Variants in ATXN7 observed in about 807,000 individuals in gnomAD.
ATXN7 encodes ataxin-7.
ATXN7 carries 12 observed loss-of-function variants against 70.5 expected under a neutral mutation model. That is an observed-to-expected ratio of 0.17 (90% CI 0.11 to 0.28). ATXN7 has a LOEUF of 0.28. Among genes scored for constraint, ATXN7 ranks in the 10% least tolerant of loss-of-function variants. ATXN7 has a pLI of 1.00. For missense variants in ATXN7, 1,256 were observed against 1,131.7 expected, an observed-to-expected ratio of 1.11 and a Z score of -1.58; for synonymous variants, 498 against 448.7, an observed-to-expected ratio of 1.11 and a Z score of -1.39.
At chr3:63,935,687 G>A (rs1468321197) in intron 4 of ATXN7, among the ~76,000 whole-genome samples, 1 of 151,860 alleles carries the variant, frequency 6.6e-6, no homozygotes, top group African/African-American at 2.4e-5. Context: ...CTTTCGTATG[G>A]TTTTGGACCT....
chr3:63,931,770 G>A (rs1704974345), intron 4 of ATXN7, among the ~76,000 whole-genome samples: 1 of 152,088 alleles, frequency 6.6e-6, no homozygotes, highest in African/African-American at 2.4e-5. Context: ...TACATTAAAT[G>A]CTGCTCTCTT....
chr3:63,992,567 T>C (rs1039161737), intron 11 of ATXN7, among the ~76,000 whole-genome samples: 2 of 152,216 alleles, frequency 1.3e-5, no homozygotes, highest in Non-Finnish European at 2.9e-5. Context: ...ATGTGGCTCA[T>C]GACCAACAGT....
chr3:63,994,051 A>G (rs1484153607), intron 11 of ATXN7, among the ~76,000 whole-genome samples: 1 of 152,174 alleles, frequency 6.6e-6, no homozygotes, highest in Non-Finnish European at 1.5e-5. Flanking sequence ...GCTCCACATT[A>G]GAATCCCCTG....
intron 9 of ATXN7, 31 bp downstream of exon 9, chr3:63,988,355 C>T: frequency 6.2e-7 from 1 of 1,612,590 alleles, no homozygotes; most frequent in Non-Finnish European, 8.5e-7. Flanking sequence ...CTTTCTCCCA[C>T]CTTCAGAGAT....
At chr3:63,905,921 A>G (rs1703823256) in intron 2 of ATXN7, 1 of 152,090 alleles carries the variant, frequency 6.6e-6, no homozygotes, top group African/African-American at 2.4e-5. Flanking sequence ...TAAAATCAGA[A>G]TGGCCATAAG....
intron 5 of ATXN7, among the ~76,000 whole-genome samples, chr3:63,963,803 C>G (rs1321202816): frequency 6.6e-6 from 1 of 152,170 alleles, no homozygotes; most frequent in Non-Finnish European, 1.5e-5. Context: ...GTGAACCAAA[C>G]AGCAGTACCC....
At chr3:63,863,175 T>C (rs73831998), upstream of ATXN7, 4,360 of 152,768 alleles carry the variant, frequency 0.029, 118 homozygotes, top group African/African-American at 0.077. Context: ...CAAGGCCTCA[T>C]TGCCATCGAC....
In ATXN7 at chr3:64,002,003, CAAAAA is replaced by C. The variant is rs77184837; in HGVS notation, c.*2547_*2551del. The C allele has an allele frequency of 1.1e-5, 1 of 95,162 alleles. No homozygotes were observed. Among genetic ancestry groups the C allele is most frequent in the Non-Finnish European group, 2.3e-5 (1 of 43,272 alleles). The allele number at this position is 95,162 out of a possible 1,614,324, so 5.9% of individuals were successfully genotyped here. A position where few individuals can be genotyped will look rare whatever the true frequency, so the allele number is the denominator to read the frequency against. On this transcript the variant is annotated 3_prime_UTR_variant, in exon 13 of 13. Coordinates refer to ENST00000674280, the MANE Select transcript of ATXN7 (RefSeq NM_001377405.1). ...CAACTCCTGCAGTTTTCTTAACCTACAAAAAAAAAAAAAAAGTGCTGCAATGATGA... is the reference window on the plus strand; with the variant it reads ...CAACTCCTGCAGTTTTCTTAACCTACAAAAAAAAAAGTGCTGCAATGATGA...
chr3:63,974,233 A>C (rs970705124), intron 5 of ATXN7, among the ~76,000 whole-genome samples: 1 of 152,200 alleles, frequency 6.6e-6, no homozygotes, highest in African/African-American at 2.4e-5. Flanking sequence ...GGAAAGATGA[A>C]ATCGAAAACA....
intron 2 of ATXN7, among the ~76,000 whole-genome samples, chr3:63,908,565 T>A (rs2107285530): frequency 6.6e-6 from 1 of 152,340 alleles, no homozygotes; most frequent in East Asian, 1.9e-4. Flanking sequence ...CACAGATAAG[T>A]ATACTGTAGT....
At chr3:63,974,431 G>A (rs1445128867) in intron 5 of ATXN7, among the ~76,000 whole-genome samples, 1 of 152,196 alleles carries the variant, frequency 6.6e-6, no homozygotes, top group African/African-American at 2.4e-5. Flanking sequence ...CCTCCATCAT[G>A]TATTATGACT....
chr3:63,996,069 G>A lies in ATXN7; in HGVS notation c.2247G>A (p.Thr749=), dbSNP rs759730525. Residue 749 remains threonine (T), a synonymous_variant, in exon 12 of 13, where the codon ACG becomes ACA. Coordinates refer to ENST00000674280, the MANE Select transcript of ATXN7 (RefSeq NM_001377405.1). The stretch of plus-strand genomic sequence containing the variant: ...ACTCTGGGCCTCCCTACCCCTCAAC[G>A]GTAACATCTTCCCATAGCATCGGCC... ...VAHSGPPYPS[T]VTSSHSIGLN... is the part of the protein sequence containing the mutation. 5 of 1,614,004 alleles carry A rather than the reference G, an allele frequency of 3.1e-6. No individual in the cohort carries two copies. Among genetic ancestry groups the A allele is most frequent in the Admixed American group, 3.3e-5 (2 of 59,984 alleles).
intron 4 of ATXN7, among the ~76,000 whole-genome samples, chr3:63,924,710 G>T (rs1704647441): frequency 6.6e-6 from 1 of 152,140 alleles, no homozygotes; most frequent in South Asian, 2.1e-4. Context: ...TTAATCTGGA[G>T]AGTTGGGGAG....
At chr3:63,981,867 C>T (rs550357214) in intron 6 of ATXN7, among the ~76,000 whole-genome samples, 1 of 152,310 alleles carries the variant, frequency 6.6e-6, no homozygotes, top group Admixed American at 6.5e-5. Flanking sequence ...TAGACCTTCT[C>T]ATGTTTTGCT....
At chr3:63,913,090 G>T in intron 3 of ATXN7, 67 bp from the exon 4 acceptor site, 2 of 1,543,638 alleles carry the variant, frequency 1.3e-6, no homozygotes, top group South Asian at 2.2e-5. Context: ...GTGCGTGCGT[G>T]AGTGTGCGTC....
At chr3:63,998,304 G>C in intron 12 of ATXN7, 1 of 985,330 alleles carries the variant, frequency 1.0e-6, no homozygotes, top group Non-Finnish European at 1.2e-6. Flanking sequence ...GTTTTAAAGA[G>C]AGGCTGCAGA....
intron 6 of ATXN7, among the ~76,000 whole-genome samples, chr3:63,981,828 A>G (rs1166800767): frequency 5.3e-5 from 8 of 152,242 alleles, no homozygotes; most frequent in Admixed American, 5.2e-4. Context: ...ATATTCTCCA[A>G]GGGTTCTGCA....
intron 4 of ATXN7, among the ~76,000 whole-genome samples, chr3:63,913,734 A>G (rs1306035068): frequency 1.3e-5 from 2 of 152,186 alleles, no homozygotes; most frequent in Non-Finnish European, 2.9e-5. Context: ...ATTTTTTGCG[A>G]GCTGCCAATA....
In ATXN7 at chr3:63,898,514, A is replaced by G. The variant is rs1046482575; in HGVS notation, c.-12+17A>G. 6.6e-6 allele frequency: 1 copy of G among 152,228 alleles called. No homozygotes were observed. The highest frequency in any genetic ancestry group is 1.5e-5 in the Non-Finnish European group (1 of 68,038). 9.4% of individuals were successfully genotyped at this position (152,228 alleles called of 1,614,324 possible). On this transcript the variant is annotated intron_variant, in intron 2 of 12. Transcript: ENST00000674280. ...AAAGAAAAGGTAACTGGCTGTTCTG[A>G]TATCGCAAACACAGTTGAATAAATA... is the stretch of plus-strand genomic sequence containing the variant.
Sources: allele counts gnomAD v4.1 joint callset (sites outside exome capture counted in the v4.1 genomes callset), GRCh38; gene constraint gnomAD v4.1.1; transcripts MANE v1.5; gene names NCBI Gene and HGNC (gene_info 2026-07-23, HGNC 2026-07-21).